CROCC2: variants seen among roughly 807,000 people sequenced by gnomAD.
CROCC2 encodes ciliary rootlet coiled-coil, rootletin family member 2.
Under a neutral mutation model 177.6 loss-of-function variants are expected in CROCC2, and 163 were observed. The observed-to-expected ratio is 0.92, with a 90% CI of 0.81 to 1.05. The LOEUF is 1.05. CROCC2 is among the 50% of genes least tolerant of loss of function. The pLI, the probability that CROCC2 is intolerant of heterozygous loss-of-function variation, is 0.00. For missense variants in CROCC2, 1,929 were observed against 1,797.8 expected, an observed-to-expected ratio of 1.07 and a Z score of -1.32; for synonymous variants, 904 against 787.3, an observed-to-expected ratio of 1.15 and a Z score of -2.48.
chr2:240,907,286 C>T (rs1429498641), intron 1 of CROCC2, among the ~76,000 whole-genome samples: 1 of 152,104 alleles, frequency 6.6e-6, no homozygotes, highest in Non-Finnish European at 1.5e-5. Flanking sequence ...GGAATTGTCC[C>T]GTGTCCCTCT....
In CROCC2 at chr2:240,942,163, A is replaced by T. The variant is rs73107810; in HGVS notation, c.2170-3897A>T. Among the ~76,000 whole-genome samples, 1,429 of 152,300 alleles carry T rather than the reference A, an allele frequency of 9.4e-3. 14 individuals carry two copies. Among genetic ancestry groups the T allele is most frequent in the African/African-American group, 0.032 (1,347 of 41,556 alleles). On this transcript the variant is annotated intron_variant, in intron 14 of 31. Coordinates refer to ENST00000690015, the MANE Select transcript of CROCC2 (RefSeq NM_001351305.2). ...TCAGGTACTTTGTTATAGCAGCACAAATTTACTAAGACATCTCTTCCATAC... is the reference window on the plus strand; with the variant it reads ...TCAGGTACTTTGTTATAGCAGCACATATTTACTAAGACATCTCTTCCATAC...
At chr2:240,943,659 T>C (rs1344401189) in intron 14 of CROCC2, among the ~76,000 whole-genome samples, 1 of 152,026 alleles carries the variant, frequency 6.6e-6, no homozygotes, top group Non-Finnish European at 1.5e-5. Flanking sequence ...TTTGTATTTT[T>C]AGTAGAGATG....
intron 17 of CROCC2, among the ~76,000 whole-genome samples, chr2:240,950,076 C>A (rs1481679353): frequency 1.3e-5 from 2 of 152,188 alleles, no homozygotes; most frequent in Non-Finnish European, 2.9e-5. Flanking sequence ...CCCTCCGTGG[C>A]AGGTGCACTG....
chr2:240,918,876 G>A lies in CROCC2; in HGVS notation c.229G>A (p.Ala77Thr). 1.5e-6 allele frequency: 1 copy of A among 680,824 alleles called. No individual in the cohort carries two copies. Among genetic ancestry groups the A allele is most frequent in the East Asian group, 2.9e-5 (1 of 34,884 alleles). 42.2% of individuals were successfully genotyped at this position (680,824 alleles called of 1,614,324 possible). A position where few individuals can be genotyped will look rare whatever the true frequency, so the allele number is the denominator to read the frequency against. ...CAGCCTGAGTGAGGAGCCACCCCAA[G>A]GTGATGGTGTGGGGGACAGTCCTGG... is the stretch of plus-strand genomic sequence containing the variant. ...AGSLSEEPPQAGVQEPTATVA... is the reference protein window; with the variant it reads ...AGSLSEEPPQTGVQEPTATVA... The change falls in exon 2 of 32, where the codon GCA becomes ACA. Residue 77 changes from alanine to threonine, a missense_variant and splice_region_variant. Around this residue, in one of 3 missense-constraint regions of CROCC2, gnomAD observed 1,397 missense variants for 1,239.9 expected, o/e 1.13. Transcript: ENST00000690015. The surrounding 1 kb of genome is among the most constrained non-coding windows in gnomAD (Gnocchi z 6.3).
At chr2:240,907,167 A>G (rs4491720) in intron 1 of CROCC2, among the ~76,000 whole-genome samples, 150,991 of 152,302 alleles carry the variant, frequency 0.99, 74,854 homozygotes, top group East Asian at 1. Context: ...CAGTGTTTCC[A>G]TCGCTGCACA....
At chr2:240,923,326 C>T (rs1483111939) in intron 4 of CROCC2, among the ~76,000 whole-genome samples, 1 of 151,870 alleles carries the variant, frequency 6.6e-6, no homozygotes, top group Non-Finnish European at 1.5e-5. Flanking sequence ...CAGACCCTGG[C>T]CACCAGCCAC....
In CROCC2 at chr2:240,963,703, A is replaced by G. The variant is rs2059658270; in HGVS notation, c.3235A>G (p.Lys1079Glu). 6.5e-7 allele frequency: 1 copy of G among 1,550,150 alleles called. No individual in the cohort carries two copies. Among genetic ancestry groups the G allele is most frequent in the African/African-American group, 1.4e-5 (1 of 73,018 alleles). ...RRALSDEARE[K>E]DVLLLFNSEL... Reference sequence around the variant, plus strand: ...GGCGCTGAGTGACGAGGCCCGCGAGAAGGACGTACTGTTGCTTTTCAACAG... The same window carrying G: ...GGCGCTGAGTGACGAGGCCCGCGAGGAGGACGTACTGTTGCTTTTCAACAG... The change falls in exon 21 of 32, where the codon AAG becomes GAG. Residue 1079 changes from lysine (K) to glutamate (E), a missense_variant. Around this residue, in one of 3 missense-constraint regions of CROCC2, gnomAD observed 1,397 missense variants for 1,239.9 expected, o/e 1.13. Transcript: ENST00000690015.
rs913920062 is a variant in CROCC2 at position 240,963,649 on chromosome 2, C to T, written c.3181C>T (p.Leu1061=). The T allele has an allele frequency of 6.5e-7, 1 of 1,549,820 alleles. No homozygotes were observed. Among genetic ancestry groups the T allele is most frequent in the African/African-American group, 1.4e-5 (1 of 73,022 alleles). The part of the protein sequence containing the change: ...LQGVEESREG[L]HREAQEARRA... The stretch of plus-strand genomic sequence containing the variant: ...GGGCGTCGAGGAGAGCCGGGAGGGG[C>T]TGCACAGGGAGGCCCAGGAGGCCCG... The change falls in exon 21 of 32, where the codon CTG becomes TTG. Residue 1061 remains leucine (L), a synonymous_variant. Coordinates refer to ENST00000690015, the MANE Select transcript of CROCC2 (RefSeq NM_001351305.2).
chr2:240,963,414 C>T, intron 20 of CROCC2, 142 bp from the exon 21 acceptor site: 1 of 850,582 alleles, frequency 1.2e-6, no homozygotes, highest in Non-Finnish European at 1.8e-6. Context: ...TTGGTGGCTC[C>T]ATGGGGTGAG....
chr2:240,981,786 A>G (rs1472713349), intron 27 of CROCC2: 2 of 151,900 alleles, frequency 1.3e-5, no homozygotes, highest in Non-Finnish European at 2.9e-5. Flanking sequence ...CGGCCACCCC[A>G]GAAGGAGCTG....
chr2:240,983,487 G>A lies in CROCC2; in HGVS notation c.4551+458G>A, dbSNP rs1456833993. 4.8e-6 allele frequency: 6 copies of A among 1,243,064 alleles called. No homozygotes were observed. In the South Asian group the frequency reaches 7.9e-5, roughly 16 times the overall value. The allele number at this position is 1,243,064 out of a possible 1,614,324, so 77.0% of individuals were successfully genotyped here. A position where few individuals can be genotyped will look rare whatever the true frequency, so the allele number is the denominator to read the frequency against. On this transcript the variant is annotated intron_variant, in intron 28 of 31. Coordinates refer to ENST00000690015, the MANE Select transcript of CROCC2 (RefSeq NM_001351305.2). ...GAGGCGGCCGAGGCGCAGGCGGAGA[G>A]GCGCGTCCTGCAGGAGCAGACGGCG...
At chr2:240,940,945 C>T (rs1283862549) in intron 14 of CROCC2, among the ~76,000 whole-genome samples, 6 of 152,212 alleles carry the variant, frequency 3.9e-5, no homozygotes, top group Middle Eastern at 3.4e-3. Context: ...TACCTAAAGA[C>T]TCCTCCCAAA....
At chr2:240,963,360 C>T in intron 20 of CROCC2, 196 bp from the exon 21 acceptor site, 2 of 590,500 alleles carry the variant, frequency 3.4e-6, no homozygotes, top group Non-Finnish European at 5.8e-6. Context: ...CTGGCCCTGC[C>T]TCAGCCCGTG....
intron 20 of CROCC2, among the ~76,000 whole-genome samples, chr2:240,962,715 AC>A (rs934463504): frequency 7.9e-5 from 12 of 152,136 alleles, no homozygotes; most frequent in African/African-American, 2.9e-4. Context: ...TCTGGGACAC[AC>A]GAGAGCCGGA....
Position 240,958,468 on chromosome 2 carries a change from C to CGGTGGGGA in CROCC2, c.2944-833_2944-832insGGTGGGGA, listed in dbSNP as rs1254875390. The CGGTGGGGA allele has an allele frequency of 1.5e-4, 87 of 569,640 alleles. No individual in the cohort carries two copies. Among genetic ancestry groups the CGGTGGGGA allele is most frequent in the Non-Finnish European group, 1.8e-4 (83 of 449,888 alleles). The allele number at this position is 569,640 out of a possible 1,614,324, so 35.3% of individuals were successfully genotyped here. ...GCAGGAACCCCCACCCTAGCAGAAT[C>CGGTGGGGA]CAGGTGGACAGGAGGGGCTCCAGAG... On this transcript the variant is annotated intron_variant, in intron 19 of 31. Coordinates refer to ENST00000690015, the MANE Select transcript of CROCC2 (RefSeq NM_001351305.2). The surrounding 1 kb of genome is among the most constrained non-coding windows in gnomAD (Gnocchi z 6.7).
chr2:240,962,645 C>T (rs1370902527), intron 20 of CROCC2, among the ~76,000 whole-genome samples: 1 of 152,226 alleles, frequency 6.6e-6, no homozygotes, highest in Non-Finnish European at 1.5e-5. Flanking sequence ...GACTTGACAT[C>T]GCGGAGTCTT....
rs774012885 is a variant in CROCC2 at position 240,932,307 on chromosome 2, A to G, written c.948-11A>G. On this transcript the variant is annotated splice_polypyrimidine_tract_variant and intron_variant, in intron 7 of 31. Transcript: ENST00000690015. ...CTGCCCTTCACCCCCACACCCCCCGACTCCTCCCAGACTCTCGGAGCAAAC... is the reference window on the plus strand; with the variant it reads ...CTGCCCTTCACCCCCACACCCCCCGGCTCCTCCCAGACTCTCGGAGCAAAC... 1.4e-5 allele frequency: 10 copies of G among 710,632 alleles called. No individual in the cohort carries two copies. In the African/African-American group the frequency reaches 1.8e-4, roughly 12 times the overall value. The allele number at this position is 710,632 out of a possible 1,614,324, so 44.0% of individuals were successfully genotyped here. A position where few individuals can be genotyped will look rare whatever the true frequency, so the allele number is the denominator to read the frequency against.
Position 240,949,083 on chromosome 2 carries a change from G to C in CROCC2, c.2468G>C (p.Arg823Pro). 1 of 1,543,758 alleles carries C rather than the reference G, an allele frequency of 6.5e-7. No individual in the cohort carries two copies. The highest frequency in any genetic ancestry group is 8.7e-7 in the Non-Finnish European group (1 of 1,144,744). ...GAAGCCCGGAGCGCAGGACTCGCGC[G>C]GCAGGCCTTGCAAGGTGCTCCAAGG... ...EEEARSAGLA[R>P]QALQVEMEQL... Residue 823 changes from arginine (R) to proline (P), a missense_variant, in exon 16 of 32, where the codon CGG becomes CCG. Physicochemically the swap from Arg to Pro is moderately radical, Grantham distance 103. Coordinates refer to ENST00000690015, the MANE Select transcript of CROCC2 (RefSeq NM_001351305.2). The surrounding 1 kb of genome is among the most constrained non-coding windows in gnomAD (Gnocchi z 4.5).
chr2:240,959,237 T>C, intron 19 of CROCC2, 64 bp from the exon 20 acceptor site: 1 of 1,525,656 alleles, frequency 6.6e-7, no homozygotes, highest in South Asian at 1.2e-5. Flanking sequence ...GTCCTGGCCT[T>C]ACCTCACCCT....
Sources: gnomAD v4.1 joint callset for allele counts (sites outside exome capture counted in the v4.1 genomes callset) on GRCh38, gnomAD v4.1.1 for gene constraint, gnomAD v4.1.1 regional missense constraint, Gnocchi (gnomAD v3.1) non-coding constraint, MANE v1.5 for transcripts, NCBI Gene and HGNC (gene_info 2026-07-23, HGNC 2026-07-21) for gene names.